GPA33: variants seen among roughly 807,000 people sequenced by gnomAD.
GPA33 encodes glycoprotein A33, also known as cell surface A33 antigen.
A neutral mutation model predicts 35.6 loss-of-function variants in GPA33; 27 were observed. The observed-to-expected ratio is 0.76, with a 90% CI of 0.56 to 1.04. The LOEUF is 1.04. Among genes scored for constraint, GPA33 ranks in the 50% least tolerant of loss-of-function variants. The pLI is 0.00. For synonymous variants in GPA33, 176 were observed against 164.0 expected, an observed-to-expected ratio of 1.07 and a Z score of -0.56; for missense variants, 428 against 411.9, an observed-to-expected ratio of 1.04 and a Z score of -0.34.
chr1:167,072,297 T>C (rs1666736921), intron 2 of GPA33, among the ~76,000 whole-genome samples: 1 of 152,246 alleles, frequency 6.6e-6, no homozygotes, highest in Non-Finnish European at 1.5e-5. Flanking sequence ...CTTTTAAACT[T>C]ATGAATAGAT....
chr1:167,069,127 G>C lies in GPA33; in HGVS notation c.210C>G (p.Val70=). 1.2e-6 allele frequency: 2 copies of C among 1,612,164 alleles called. No individual in the cohort carries two copies. Among genetic ancestry groups the C allele is most frequent in the Non-Finnish European group, 1.7e-6 (2 of 1,178,414 alleles). The change falls in exon 3 of 7, where the codon GTC becomes GTG. Residue 70 remains valine (V), a synonymous_variant. Coordinates refer to ENST00000367868, the MANE Select transcript of GPA33 (RefSeq NM_005814.3). Reference sequence around the variant, plus strand: ...AGTTTTTGTTTGAAAACGGCCAGATGACCACCCTTTCCTGGAGAGAGAAGA... The same window carrying C: ...AGTTTTTGTTTGAAAACGGCCAGATCACCACCCTTTCCTGGAGAGAGAAGA... ...KLLLTHTERV[V]IWPFSNKNYI...
rs1401850761 is a variant in GPA33, at chr1:167,073,469, A to G, written c.114T>C (p.Ser38=). 1.2e-6 allele frequency: 2 copies of G among 1,612,410 alleles called. No individual in the cohort carries two copies. Among genetic ancestry groups the G allele is most frequent in the East Asian group, 2.2e-5 (1 of 44,876 alleles). The change falls in exon 2 of 7, where the codon AGT becomes AGC. Residue 38 remains serine (S), a synonymous_variant. Transcript: ENST00000367868. Reference sequence around the variant, plus strand: ...TGTGGTAGGTGCAGGGCAGGGTGACACTCTTTCCCTGCGAAGCCCGAAGAA... The same window carrying G: ...TGTGGTAGGTGCAGGGCAGGGTGACGCTCTTTCCCTGCGAAGCCCGAAGAA... ...QDVLRASQGK[S]VTLPCTYHTS... is the part of the protein sequence containing the mutation.
At chr1:167,085,056 T>C (rs551968263) in intron 1 of GPA33, among the ~76,000 whole-genome samples, 1 of 152,324 alleles carries the variant, frequency 6.6e-6, no homozygotes, top group Non-Finnish European at 1.5e-5. Flanking sequence ...AGAAGTCATG[T>C]GGGCTGTTGG....
At chr1:167,088,840 G>A (rs1377432166) in intron 1 of GPA33, among the ~76,000 whole-genome samples, 1 of 152,308 alleles carries the variant, frequency 6.6e-6, no homozygotes, top group African/African-American at 2.4e-5. Flanking sequence ...GAAGATGGGA[G>A]AATCACTGGC....
chr1:167,079,785 C>T (rs993224188), intron 1 of GPA33, among the ~76,000 whole-genome samples: 1 of 152,204 alleles, frequency 6.6e-6, no homozygotes, highest in South Asian at 2.1e-4. Flanking sequence ...TTTAATAATT[C>T]GCCATTGTAG....
intron 1 of GPA33, among the ~76,000 whole-genome samples, chr1:167,081,397 G>A (rs1666942703): frequency 6.6e-6 from 1 of 152,134 alleles, no homozygotes; most frequent in South Asian, 2.1e-4. Flanking sequence ...CTAGGGAGAA[G>A]AAGGCAGTTC....
chr1:167,054,238 G>A lies in GPA33; in HGVS notation c.*96C>T. On this transcript the variant is annotated 3_prime_UTR_variant, in exon 7 of 7. Coordinates refer to ENST00000367868, the MANE Select transcript of GPA33 (RefSeq NM_005814.3). ...TGTCCCCATCAATGTCTGGGATGGA[G>A]GGACAGGAGAACAGGGCTTAGAAAG... 1.4e-6 allele frequency: 2 copies of A among 1,460,198 alleles called. No homozygotes were observed. The highest frequency in any genetic ancestry group is 1.9e-6 in the Non-Finnish European group (2 of 1,063,830). 90.5% of individuals were successfully genotyped at this position (1,460,198 alleles called of 1,614,324 possible). A position where few individuals can be genotyped will look rare whatever the true frequency, so the allele number is the denominator to read the frequency against.
At chr1:167,085,352 A>T (rs575266682) in intron 1 of GPA33, among the ~76,000 whole-genome samples, 1 of 152,200 alleles carries the variant, frequency 6.6e-6, no homozygotes, top group African/African-American at 2.4e-5. Flanking sequence ...AATGCGGGAG[A>T]GATTAGCCAG....
intron 4 of GPA33, among the ~76,000 whole-genome samples, chr1:167,056,517 G>T (rs551419694): frequency 1.2e-5 from 1 of 86,336 alleles, no homozygotes; most frequent in South Asian, 4.0e-4. Flanking sequence ...TCAGTGATGT[G>T]CAGCGTGTGT....
chr1:167,056,617 GT>G, intron 4 of GPA33, among the ~76,000 whole-genome samples: 1 of 146,104 alleles, frequency 6.8e-6, no homozygotes, highest in Non-Finnish European at 1.5e-5. Context: ...TGTAGTGTGT[GT>G]GGTGAGTGTG....
intron 3 of GPA33, among the ~76,000 whole-genome samples, chr1:167,064,705 C>T (rs1375383858): frequency 6.6e-6 from 1 of 152,230 alleles, no homozygotes; most frequent in Non-Finnish European, 1.5e-5. Context: ...TAAGTGATCT[C>T]TGAAGCCTTC....
intron 2 of GPA33, among the ~76,000 whole-genome samples, chr1:167,070,308 T>C (rs1197723807): frequency 2.0e-5 from 3 of 152,154 alleles, no homozygotes; most frequent in Non-Finnish European, 2.9e-5. Flanking sequence ...GCAATAAAGA[T>C]CATAGCTGCT....
At chr1:167,067,188 G>A (rs1236488472) in intron 3 of GPA33, among the ~76,000 whole-genome samples, 1 of 151,798 alleles carries the variant, frequency 6.6e-6, no homozygotes, top group African/African-American at 2.4e-5. Context: ...TTTTGAGGCC[G>A]GTCTCTGTCA....
At chr1:167,080,943 A>G (rs1036333228) in intron 1 of GPA33, among the ~76,000 whole-genome samples, 4 of 152,222 alleles carry the variant, frequency 2.6e-5, no homozygotes, top group South Asian at 2.1e-4. Context: ...AACCTATTCA[A>G]TGAATTGCTG....
chr1:167,075,234 T>C (rs1666800804), intron 1 of GPA33, among the ~76,000 whole-genome samples: 1 of 151,928 alleles, frequency 6.6e-6, no homozygotes, highest in Non-Finnish European at 1.5e-5. Flanking sequence ...TTCTGGCAAA[T>C]GTGGGGTGAA....
intron 1 of GPA33, among the ~76,000 whole-genome samples, chr1:167,080,036 C>G (rs1190498575): frequency 1.3e-5 from 2 of 152,224 alleles, no homozygotes; most frequent in Non-Finnish European, 2.9e-5. Context: ...AGCTACCTCA[C>G]TTTCCGCTTC....
chr1:167,056,661 CGGTG>C (rs1666276366), intron 4 of GPA33, among the ~76,000 whole-genome samples: 14 of 1,624 alleles, frequency 8.6e-3, no homozygotes, highest in East Asian at 0.018. Flanking sequence ...GTGTGTGGTA[CGGTG>C]AGTGTGTGAT....
At chr1:167,086,348 A>T (rs896310095) in intron 1 of GPA33, among the ~76,000 whole-genome samples, 6 of 152,178 alleles carry the variant, frequency 3.9e-5, no homozygotes, top group Admixed American at 1.3e-4. Flanking sequence ...GGCTGACACC[A>T]CCCCGGCTCT....
chr1:167,084,189 A>G (rs1196002346), intron 1 of GPA33, among the ~76,000 whole-genome samples: 1 of 152,178 alleles, frequency 6.6e-6, no homozygotes, highest in Non-Finnish European at 1.5e-5. Context: ...TTTATTTTAC[A>G]AGATCATTCT....
Sources: allele counts gnomAD v4.1 joint callset (sites outside exome capture counted in the v4.1 genomes callset), GRCh38; gene constraint gnomAD v4.1.1; transcripts MANE v1.5; gene names NCBI Gene and HGNC (gene_info 2026-07-23, HGNC 2026-07-21).